The following PHGDH variants were observed in gnomAD, a reference collection of about 807,000 sequenced individuals.
PHGDH encodes the protein phosphoglycerate dehydrogenase.
PHGDH carries 50 observed loss-of-function variants against 52.6 expected under a neutral mutation model. The ratio of observed to expected loss-of-function variants is 0.95; its 90% CI spans 0.76 to 1.20. PHGDH has a LOEUF of 1.20. Ranked by LOEUF, PHGDH falls within the 50% of genes most tolerant of loss-of-function variation. The pLI, the probability that PHGDH is intolerant of heterozygous loss-of-function variation, is 0.00. For synonymous variants in PHGDH, 271 were observed against 280.5 expected (o/e 0.97, Z 0.34); for missense variants, 630 against 684.6 (o/e 0.92, Z 0.89).
chr1:119,742,588 C>CTT, intron 10 of PHGDH: 1 of 610,900 alleles, frequency 1.6e-6, no homozygotes, highest in Middle Eastern at 4.4e-4. Flanking sequence ...TGGCAGATCT[C>CTT]TTTGCCCTCC....
chr1:119,717,232 C>CAGAAAA (rs1261413419), intron 1 of PHGDH, among the ~76,000 whole-genome samples: 6 of 37,352 alleles, frequency 1.6e-4, no homozygotes, highest in African/African-American at 6.5e-4. Flanking sequence ...AACTCTGTCT[C>CAGAAAA]AAAAAAAAAA....
chr1:119,726,816 G>T (rs371495553), intron 3 of PHGDH, 35 bp from the exon 4 acceptor site: 2 of 1,598,446 alleles, frequency 1.3e-6, no homozygotes, highest in Non-Finnish European at 1.7e-6. Context: ...GCGGGAGTCC[G>T]AATGGACCCT....
chr1:119,737,720 G>A (rs587694809), intron 8 of PHGDH, among the ~76,000 whole-genome samples: 22 of 152,254 alleles, frequency 1.4e-4, no homozygotes, highest in Admixed American at 3.3e-4. Flanking sequence ...TCCCAAATGA[G>A]CCCTCTGTGC....
chr1:119,739,034 T>G (rs1049347689), intron 8 of PHGDH, among the ~76,000 whole-genome samples: 1 of 152,214 alleles, frequency 6.6e-6, no homozygotes, highest in Non-Finnish European at 1.5e-5. Context: ...AAGAAATATA[T>G]TTTCCTAATT....
chr1:119,712,301 G>C, intron 1 of PHGDH, 141 bp downstream of exon 1: 34 of 643,722 alleles, frequency 5.3e-5, no homozygotes, highest in Non-Finnish European at 3.9e-5. Flanking sequence ...GGGTAGAGAA[G>C]AACGGGGGCG....
Position 119,715,041 on chromosome 1 carries a change from G to A in PHGDH, c.138+2881G>A, listed in dbSNP as rs866425959. Among the ~76,000 whole-genome samples the A allele has an allele frequency of 5.3e-5, 8 of 152,172 alleles. No individual in the cohort carries two copies. In the South Asian group the frequency reaches 1.0e-3, roughly 20 times the overall value. ...ACATCTTAAATATACCTAATATGCC[G>A]GAAAATATTTAAATAATATTACCAT... On this transcript the variant is annotated intron_variant, in intron 1 of 11. Coordinates refer to ENST00000641023, the MANE Select transcript of PHGDH (RefSeq NM_006623.4).
In PHGDH at chr1:119,740,400, C is replaced by T. The variant is rs2101215979; in HGVS notation, c.960C>T (p.Ala320=). Residue 320 remains alanine, a synonymous_variant, in exon 9 of 12, where the codon GCC becomes GCT. Transcript: ENST00000641023. The part of the protein sequence containing the change: ...KSLTGVVNAQ[A]LTSAFSPHTK... The stretch of plus-strand genomic sequence containing the variant: ...ATCCTCTGCAGGTGAATGCCCAGGC[C>T]CTTACCAGTGCCTTCTCTCCACACA... 1.2e-6 allele frequency: 2 copies of T among 1,614,052 alleles called. No individual in the cohort carries two copies. The highest frequency in any genetic ancestry group is 1.7e-6 in the Non-Finnish European group (2 of 1,179,922).
intron 5 of PHGDH, among the ~76,000 whole-genome samples, chr1:119,733,242 G>C (rs1330395639): frequency 6.6e-6 from 1 of 152,154 alleles, no homozygotes; most frequent in Non-Finnish European, 1.5e-5. Context: ...ATGAAAAAAG[G>C]GATCCAGAGG....
Position 119,734,742 on chromosome 1 carries a change from A to T in PHGDH, c.619A>T (p.Thr207Ser), listed in dbSNP as rs146721224. 3.3e-5 allele frequency: 53 copies of T among 1,611,620 alleles called. No homozygotes were observed. Among genetic ancestry groups the T allele is most frequent in the Non-Finnish European group, 1.5e-5 (18 of 1,179,272 alleles). The change falls in exon 6 of 12, where the codon ACT becomes TCT. Residue 207 changes from threonine (T) to serine (S), a missense_variant. Physicochemically the swap from Thr to Ser is moderately conservative, Grantham distance 58 (BLOSUM62 1). Transcript: ENST00000641023. Reference protein sequence around the residue: ...WPLCDFITVHTPLLPSTTGLL... With the variant: ...WPLCDFITVHSPLLPSTTGLL... ...TCTCTGTGATTTCATCACTGTGCAC[A>T]CTCCTCTCCTGCCCTCCACGACAGG...
At chr1:119,742,246 G>A (rs752056586) in intron 10 of PHGDH, 58 of 388,320 alleles carry the variant, frequency 1.5e-4, no homozygotes, top group South Asian at 1.0e-3. Flanking sequence ...TCCTCATGCC[G>A]TAGCACCCGG....
At chr1:119,724,491 G>T (rs1047435036) in intron 3 of PHGDH, 3 of 337,720 alleles carry the variant, frequency 8.9e-6, no homozygotes, top group Non-Finnish European at 1.7e-5. Flanking sequence ...GAGGCAGTGG[G>T]GGGAAAGGAG....
chr1:119,718,493 C>T (rs78827533), intron 1 of PHGDH, among the ~76,000 whole-genome samples: 15,547 of 152,232 alleles, frequency 0.1, 900 homozygotes, highest in Non-Finnish European at 0.13. Flanking sequence ...GGCTCTGGCC[C>T]TATCTTCTTG....
chr1:119,735,539 T>A, intron 7 of PHGDH, 96 bp downstream of exon 7: 1 of 1,226,162 alleles, frequency 8.2e-7, no homozygotes, highest in Non-Finnish European at 1.2e-6. Flanking sequence ...AGAAAGCCTC[T>A]AGCTTATTGT....
At chr1:119,733,527 G>GTCT (rs1651799218) in intron 5 of PHGDH, among the ~76,000 whole-genome samples, 1 of 148,396 alleles carries the variant, frequency 6.7e-6, no homozygotes, top group Non-Finnish European at 1.5e-5. Flanking sequence ...TAGGGGGGGG[G>GTCT]GTCTGACTAT....
chr1:119,718,899 A>G (rs1026064488), intron 1 of PHGDH, among the ~76,000 whole-genome samples: 9 of 152,206 alleles, frequency 5.9e-5, no homozygotes, highest in Admixed American at 3.3e-4. Context: ...AACATATTAT[A>G]TTGGTGATCA....
intron 8 of PHGDH, 152 bp from the exon 9 acceptor site, chr1:119,740,234 A>G: frequency 1.4e-6 from 1 of 695,864 alleles, no homozygotes; most frequent in Admixed American, 2.1e-5. Context: ...TCCTGTTGTT[A>G]GTGGCTGATG....
chr1:119,739,946 A>G (rs1049383870), intron 8 of PHGDH: 12 of 198,494 alleles, frequency 6.0e-5, no homozygotes, highest in Non-Finnish European at 1.3e-4. Flanking sequence ...GTAAACACTT[A>G]AAAAAATTCA....
chr1:119,733,016 C>T (rs1318253033), intron 5 of PHGDH, among the ~76,000 whole-genome samples: 3 of 152,342 alleles, frequency 2.0e-5, no homozygotes, highest in South Asian at 2.1e-4. Flanking sequence ...CTTGTGACAA[C>T]GATGGCAGGG....
chr1:119,713,612 T>G lies in PHGDH; in HGVS notation c.138+1452T>G, dbSNP rs1206253246. Among the ~76,000 whole-genome samples, 3 of 152,104 alleles carry G rather than the reference T, an allele frequency of 2.0e-5. No homozygotes were observed. In the South Asian group the frequency reaches 6.2e-4, roughly 32 times the overall value. ...AAAGGTCCAATCATCATGCACAGAA[T>G]TGGTGGGCAAGGGCTTAGGACTTGA... On this transcript the variant is annotated intron_variant, in intron 1 of 11. Coordinates refer to ENST00000641023, the MANE Select transcript of PHGDH (RefSeq NM_006623.4).
Sources: gnomAD v4.1 joint callset for allele counts (sites outside exome capture counted in the v4.1 genomes callset) on GRCh38, gnomAD v4.1.1 for gene constraint, MANE v1.5 for transcripts, NCBI Gene and HGNC (gene_info 2026-07-23, HGNC 2026-07-21) for gene names.